GSPT1: variants seen among roughly 807,000 people sequenced by gnomAD.
GSPT1 encodes G1 to S phase transition 1.
A neutral mutation model predicts 72.5 loss-of-function variants in GSPT1; 20 were observed. The ratio of observed to expected loss-of-function variants is 0.28; its 90% confidence interval spans 0.19 to 0.40. GSPT1 has a LOEUF of 0.40. GSPT1 is among the 10% of genes least tolerant of loss of function. GSPT1 has a pLI of 1.00. For missense variants in GSPT1, 580 were observed against 811.9 expected (o/e 0.71, Z 3.47); for synonymous variants, 334 against 293.5 (o/e 1.14, Z -1.41).
At chr16:11,879,389 G>A (rs1168640664) in intron 11 of GSPT1, among the ~76,000 whole-genome samples, 2 of 150,144 alleles carry the variant, frequency 1.3e-5, no homozygotes, top group South Asian at 2.1e-4. Context: ...AGGAGACTCC[G>A]TCTCAAAAAA....
At chr16:11,884,762 T>G (rs948475085) in intron 10 of GSPT1, among the ~76,000 whole-genome samples, 1 of 69,478 alleles carries the variant, frequency 1.4e-5, no homozygotes, top group Non-Finnish European at 2.4e-5. Flanking sequence ...AGACTCCGTC[T>G]CAAAAAAAAA....
chr16:11,896,815 T>G lies in GSPT1; in HGVS notation c.437-30A>C, dbSNP rs189622800. ...AGAAAGACATTTTAACTTAGTATTC[T>G]GAAAAAGACTTACAATCTATACTTT... On this transcript the variant is annotated intron_variant, in intron 3 of 14. Coordinates refer to ENST00000434724, the MANE Select transcript of GSPT1 (RefSeq NM_002094.4). The G allele has an allele frequency of 2.5e-4, 330 of 1,342,010 alleles. 2 individuals are homozygous for G. The African/African-American group carries it at 4.2e-3, about 17-fold the overall frequency. The allele number at this position is 1,342,010 out of a possible 1,614,324, so 83.1% of individuals were successfully genotyped here. A position where few individuals can be genotyped will look rare whatever the true frequency, so the allele number is the denominator to read the frequency against.
intron 1 of GSPT1, among the ~76,000 whole-genome samples, chr16:11,898,441 CTTTTTTTTTTT>C (rs5815660): frequency 1.5e-4 from 16 of 107,068 alleles, no homozygotes; most frequent in African/African-American, 4.6e-4. Context: ...GTGATTAGCC[CTTTTTTTTTTT>C]TTTTTTTTTT....
chr16:11,914,722 T>C (rs2054606222), intron 1 of GSPT1, among the ~76,000 whole-genome samples: 2 of 152,220 alleles, frequency 1.3e-5, no homozygotes, highest in South Asian at 2.1e-4. Flanking sequence ...AATCCTAACT[T>C]TGTGGCACTT....
intron 1 of GSPT1, among the ~76,000 whole-genome samples, chr16:11,910,784 C>A (rs1191599273): frequency 6.6e-6 from 1 of 152,176 alleles, no homozygotes; most frequent in Non-Finnish European, 1.5e-5. Flanking sequence ...CAGAAGAATG[C>A]AATAAGATAT....
At position 11,870,118 on chromosome 16, in the gene GSPT1, C is replaced by A. The variant is rs1029830020; in HGVS notation, c.*3001G>T. On this transcript the variant is annotated 3_prime_UTR_variant, in exon 15 of 15. Transcript: ENST00000434724. ...ACATATTTCAAAGATTTTCAACTCA[C>A]AAAAAAAAAATACATGGGCTTAATT... The A allele has an allele frequency of 2.7e-5, 4 of 149,382 alleles. No individual in the cohort carries two copies. The highest frequency in any genetic ancestry group is 2.0e-4 in the East Asian group (1 of 5,128). 9.3% of individuals were successfully genotyped at this position (149,382 alleles called of 1,614,324 possible).
chr16:11,894,471 G>A (rs1204521379), intron 5 of GSPT1, among the ~76,000 whole-genome samples: 3 of 152,050 alleles, frequency 2.0e-5, no homozygotes, highest in African/African-American at 7.2e-5. Context: ...GGAAAAAACA[G>A]TTCCCCCATT....
Position 11,915,906 on chromosome 16 carries a change from G to T in GSPT1, c.-186C>A, listed in dbSNP as rs760329757. 3 of 862,234 alleles carry T rather than the reference G, an allele frequency of 3.5e-6. No homozygotes were observed. Among genetic ancestry groups the T allele is most frequent in the African/African-American group, 1.7e-5 (1 of 60,244 alleles). The allele number at this position is 862,234 out of a possible 1,614,324, so 53.4% of individuals were successfully genotyped here. A position where few individuals can be genotyped will look rare whatever the true frequency, so the allele number is the denominator to read the frequency against. On this transcript the variant is annotated 5_prime_UTR_variant, in exon 1 of 15. Transcript: ENST00000434724. ...GTCCCGACTCCACACTCGCGACGAC[G>T]ACAGAGGCGGCGGCGGCGGCAGCTC...
In GSPT1 at chr16:11,868,611, T is replaced by G. The variant is rs1047815300; in HGVS notation, c.*4508A>C. 5 of 151,964 alleles carry G rather than the reference T, an allele frequency of 3.3e-5. No homozygotes were observed. Among genetic ancestry groups the G allele is most frequent in the Non-Finnish European group, 7.4e-5 (5 of 68,002 alleles). 9.4% of individuals were successfully genotyped at this position (151,964 alleles called of 1,614,324 possible). On this transcript the variant is annotated 3_prime_UTR_variant, in exon 15 of 15. Transcript: ENST00000434724. ...ATAGTCACCTGAAGAGTGCAAGCGC[T>G]CCAGCTCCAGCACACACACTCTTCC...
rs753594316 is a variant in GSPT1, at chr16:11,915,910, G to A, written c.-190C>T. The A allele has an allele frequency of 6.0e-6, 5 of 840,114 alleles. No homozygotes were observed. Among genetic ancestry groups the A allele is most frequent in the Non-Finnish European group, 1.0e-5 (5 of 494,128 alleles). The allele number at this position is 840,114 out of a possible 1,614,324, so 52.0% of individuals were successfully genotyped here. A position where few individuals can be genotyped will look rare whatever the true frequency, so the allele number is the denominator to read the frequency against. The stretch of plus-strand genomic sequence containing the variant: ...CGACTCCACACTCGCGACGACGACA[G>A]AGGCGGCGGCGGCGGCAGCTCAACC... On this transcript the variant is annotated 5_prime_UTR_variant, in exon 1 of 15. Transcript: ENST00000434724.
At chr16:11,905,207 C>A (rs911949466) in intron 1 of GSPT1, among the ~76,000 whole-genome samples, 2 of 152,156 alleles carry the variant, frequency 1.3e-5, no homozygotes. Context: ...ATATGTGTGA[C>A]AAAATTCTGT....
In GSPT1 at chr16:11,897,876, TTGAAC is replaced by T; in HGVS notation, c.395_399del (p.Gly132GlufsTer5). ...GAAAGTTCCATGCTAACAGCTGAAT[TTGAAC>T]CTAGACAAGAGATTGAAATATAATA... On this transcript the variant is annotated frameshift_variant and splice_region_variant, in exon 3 of 15. Coordinates refer to ENST00000434724, the MANE Select transcript of GSPT1 (RefSeq NM_002094.4). LOFTEE classifies it high-confidence loss of function. 6.5e-7 allele frequency: 1 copy of T among 1,543,976 alleles called. No homozygotes were observed. The highest frequency in any genetic ancestry group is 8.8e-7 in the Non-Finnish European group (1 of 1,133,830).
rs74738468 is a variant in GSPT1 at position 11,875,006 on chromosome 16, G to A, written c.1861+755C>T. ...GGAGATCAAGACCATCCTGGCTAAC[G>A]TGGTGAAACCCCGTCTCTACAAAAA... On this transcript the variant is annotated intron_variant, in intron 14 of 14. Coordinates refer to ENST00000434724, the MANE Select transcript of GSPT1 (RefSeq NM_002094.4). Among the ~76,000 whole-genome samples, 1,153 of 152,214 alleles carry A rather than the reference G, an allele frequency of 7.6e-3. 20 individuals are homozygous for A. Among genetic ancestry groups the A allele is most frequent in the Admixed American group, 0.035 (542 of 15,272 alleles).
At chr16:11,879,060 G>A (rs892814925) in intron 11 of GSPT1, among the ~76,000 whole-genome samples, 3 of 142,358 alleles carry the variant, frequency 2.1e-5, no homozygotes, top group Admixed American at 1.5e-4. Flanking sequence ...TGGGCAATAA[G>A]AGCGAAACTC....
At position 11,915,507 on chromosome 16, in the gene GSPT1, T is replaced by G. The variant is rs1262260119; in HGVS notation, c.214A>C (p.Asn72His). ...ACGTTGGGCACGAAGGGCTTGGCGT[T>G]GACGTTGAGTTGCCGGCTGAAGGCC... ...SAAFSRQLNV[N>H]AKPFVPNVHA... Residue 72 changes from asparagine (N) to histidine (H), a missense_variant, in exon 1 of 15, where the codon AAC becomes CAC. Coordinates refer to ENST00000434724, the MANE Select transcript of GSPT1 (RefSeq NM_002094.4). The G allele has an allele frequency of 6.5e-7, 1 of 1,542,766 alleles. No individual in the cohort carries two copies. The highest frequency in any genetic ancestry group is 8.7e-7 in the Non-Finnish European group (1 of 1,146,764).
chr16:11,887,863 G>A, intron 6 of GSPT1, 113 bp from the exon 7 acceptor site: 1 of 765,326 alleles, frequency 1.3e-6, no homozygotes, highest in Non-Finnish European at 2.1e-6. Flanking sequence ...TCACGAACAA[G>A]ATTGGTGAAA....
chr16:11,890,605 C>CA (rs2054246654), intron 6 of GSPT1, among the ~76,000 whole-genome samples: 1 of 152,042 alleles, frequency 6.6e-6, no homozygotes, highest in South Asian at 2.1e-4. Flanking sequence ...GGTTAGAAAA[C>CA]AAAAAAGTTG....
intron 13 of GSPT1, 69 bp downstream of exon 13, chr16:11,876,017 G>A: frequency 6.9e-7 from 1 of 1,445,928 alleles, no homozygotes; most frequent in Non-Finnish European, 9.7e-7. Flanking sequence ...GTGCATCACT[G>A]TTGCTGATTA....
intron 1 of GSPT1, 59 bp from the exon 2 acceptor site, chr16:11,898,094 C>T: frequency 9.5e-7 from 1 of 1,049,332 alleles, no homozygotes; most frequent in Non-Finnish European, 1.4e-6. Context: ...TTTCACTTAT[C>T]TTTTAATATG....
Sources: allele counts gnomAD v4.1 joint callset (sites outside exome capture counted in the v4.1 genomes callset), GRCh38; gene constraint gnomAD v4.1.1; transcripts MANE v1.5; gene names NCBI Gene and HGNC (gene_info 2026-07-23, HGNC 2026-07-21).